ATRX: variants seen among roughly 807,000 people sequenced by gnomAD.
The protein encoded by ATRX is ATRX chromatin remodeler.
A neutral mutation model predicts 172.6 loss-of-function variants in ATRX; 12 were observed. That is an observed-to-expected ratio of 0.07 (90% confidence interval 0.04 to 0.11). The LOEUF (loss-of-function observed/expected upper bound fraction) is 0.11, where lower values mean the gene tolerates loss of function less well. ATRX is among the 10% of genes least tolerant of loss of function. ATRX has a pLI of 1.00. For missense variants in ATRX, 1,368 were observed against 1,767.4 expected (o/e 0.77, Z 4.05); for synonymous variants, 674 against 594.7 (o/e 1.13, Z -1.94).
chrX:77,734,954 T>C (rs1255314859), intron 1 of ATRX, among the ~76,000 whole-genome samples: 1 of 106,570 alleles, frequency 9.4e-6, no homozygotes, highest in African/African-American at 3.5e-5. Context: ...CTACTCAAAA[T>C]ATAAAAATTA....
chrX:77,516,130 G>A (rs989292264), intron 34 of ATRX, among the ~76,000 whole-genome samples: 1 of 111,618 alleles, frequency 9.0e-6, no homozygotes, highest in Admixed American at 9.5e-5. Context: ...TGGGTGCTAG[G>A]CTTAATACCT....
intron 12 of ATRX, among the ~76,000 whole-genome samples, chrX:77,662,581 C>T (rs1316963778): frequency 8.9e-6 from 1 of 112,203 alleles, no homozygotes; most frequent in East Asian, 2.8e-4. Context: ...GGGTTATCTT[C>T]CCACTCTAAA....
chrX:77,631,373 C>T (rs2068101185), intron 19 of ATRX, among the ~76,000 whole-genome samples: 1 of 110,116 alleles, frequency 9.1e-6, no homozygotes, highest in Non-Finnish European at 1.9e-5. Flanking sequence ...GGAGATACAG[C>T]TTAATTTCCA....
chrX:77,677,440 T>C (rs2070938717), intron 9 of ATRX, among the ~76,000 whole-genome samples: 1 of 111,719 alleles, frequency 9.0e-6, no homozygotes, highest in Non-Finnish European at 1.9e-5. Flanking sequence ...CAAGGGAGCC[T>C]TGTGATAATG....
At chrX:77,620,373 A>G (rs2067529313) in intron 20 of ATRX, 22 bp downstream of exon 20, 1 of 1,198,226 alleles carries the variant, frequency 8.3e-7, no homozygotes, top group Non-Finnish European at 1.1e-6. Context: ...ATTCTACTGC[A>G]TAATCAGAGA....
intron 34 of ATRX, among the ~76,000 whole-genome samples, chrX:77,520,315 T>C (rs782576250): frequency 1.4e-4 from 16 of 111,655 alleles, no homozygotes; most frequent in Non-Finnish European, 2.8e-4. Flanking sequence ...TATAACTGGA[T>C]TGTTTGTAAC....
rs904706625 is a variant in ATRX at position 77,749,130 on chromosome X, T to C, written c.21-31887A>G. Among the ~76,000 whole-genome samples the C allele has an allele frequency of 6.3e-5, 7 of 110,586 alleles. No individual in the cohort carries two copies. The East Asian group carries it at 1.7e-3, about 27-fold the overall frequency. ...CCTGCCACCCTCTCACCTTTTGGAG[T>C]CTCCAATGTCTATTATTCTACTCTA... is the stretch of plus-strand genomic sequence containing the variant. On this transcript the variant is annotated intron_variant, in intron 1 of 34. Coordinates refer to ENST00000373344, the MANE Select transcript of ATRX (RefSeq NM_000489.6).
At chrX:77,718,178 G>A (rs180931423) in intron 1 of ATRX, among the ~76,000 whole-genome samples, 6 of 109,192 alleles carry the variant, frequency 5.5e-5, no homozygotes, top group East Asian at 2.9e-4. Context: ...GTAATTTATC[G>A]AATATATTTA....
At chrX:77,722,584 G>A (rs1210468463) in intron 1 of ATRX, among the ~76,000 whole-genome samples, 3 of 111,034 alleles carry the variant, frequency 2.7e-5, no homozygotes, top group African/African-American at 9.8e-5. Context: ...ACAAACATAT[G>A]AAAAAAAACT....
chrX:77,527,785 T>C (rs1307017298), intron 30 of ATRX, among the ~76,000 whole-genome samples: 1 of 111,702 alleles, frequency 9.0e-6, no homozygotes, highest in Non-Finnish European at 1.9e-5. Context: ...GAAGTCCGCC[T>C]GAGACAAGAC....
chrX:77,679,320 A>G (rs1436058909), intron 9 of ATRX, among the ~76,000 whole-genome samples: 1 of 111,261 alleles, frequency 9.0e-6, no homozygotes, highest in Admixed American at 9.7e-5. Flanking sequence ...TTCACCAAGC[A>G]GTTGAAGGAT....
At chrX:77,716,110 A>ATTTTTTTTTTT (rs199639051) in intron 2 of ATRX, among the ~76,000 whole-genome samples, 13 of 54,383 alleles carry the variant, frequency 2.4e-4, no homozygotes, top group Middle Eastern at 0.01. Flanking sequence ...GTCTCTAAAA[A>ATTTTTTTTTTT]TTTTTTTTTT....
intron 1 of ATRX, among the ~76,000 whole-genome samples, chrX:77,760,606 T>TA (rs2075681676): frequency 9.1e-6 from 1 of 109,418 alleles, no homozygotes; most frequent in African/African-American, 3.4e-5. Flanking sequence ...CCCTAAAACT[T>TA]AAAGTATAAT....
At chrX:77,703,902 G>C (rs782534312) in intron 2 of ATRX, among the ~76,000 whole-genome samples, 3 of 111,178 alleles carry the variant, frequency 2.7e-5, no homozygotes, top group Non-Finnish European at 3.8e-5. Context: ...TGCTAGGCAA[G>C]TCATTACTAC....
At chrX:77,516,465 G>A (rs2063058239) in intron 34 of ATRX, among the ~76,000 whole-genome samples, 1 of 111,570 alleles carries the variant, frequency 9.0e-6, no homozygotes, top group African/African-American at 3.3e-5. Context: ...CAGATTTCAA[G>A]ACAAAAAATA....
chrX:77,586,412 G>A lies in ATRX; in HGVS notation c.6217+3422C>T, dbSNP rs1213811455. On this transcript the variant is annotated intron_variant, in intron 27 of 34. Coordinates refer to ENST00000373344, the MANE Select transcript of ATRX (RefSeq NM_000489.6). Reference sequence around the variant, plus strand: ...AGGTGAAGAAGATAGTGCGGGTGGAGAGAGCATTGCAGGCAGACAGAAACA... The same window carrying A: ...AGGTGAAGAAGATAGTGCGGGTGGAAAGAGCATTGCAGGCAGACAGAAACA... Among the ~76,000 whole-genome samples the A allele has an allele frequency of 1.9e-4, 21 of 112,181 alleles. No homozygotes were observed. In the Admixed American group the frequency reaches 2.0e-3, roughly 11 times the overall value.
chrX:77,761,183 G>C (rs2075702777), intron 1 of ATRX, among the ~76,000 whole-genome samples: 1 of 111,249 alleles, frequency 9.0e-6, no homozygotes, highest in African/African-American at 3.3e-5. Flanking sequence ...AGTGAGTTTT[G>C]GCCCTGAGAG....
chrX:77,640,618 A>T (rs2068607981), intron 15 of ATRX, among the ~76,000 whole-genome samples: 1 of 111,051 alleles, frequency 9.0e-6, no homozygotes, highest in Non-Finnish European at 1.9e-5. Flanking sequence ...CAGTCATTAA[A>T]TAAAGACACC....
intron 34 of ATRX, among the ~76,000 whole-genome samples, chrX:77,509,437 C>T (rs968440714): frequency 2.7e-5 from 3 of 111,947 alleles, no homozygotes; most frequent in Non-Finnish European, 3.8e-5. Flanking sequence ...GAAAAACTAT[C>T]TGCAATAAAA....
Sources: allele counts gnomAD v4.1 joint callset (sites outside exome capture counted in the v4.1 genomes callset), GRCh38; gene constraint gnomAD v4.1.1; transcripts MANE v1.5; gene names NCBI Gene and HGNC (gene_info 2026-07-23, HGNC 2026-07-21).